Variants in SGCZ observed in about 807,000 individuals in gnomAD.
SGCZ encodes zeta-sarcoglycan.
In SGCZ, 40 loss-of-function variants were observed where a neutral mutation model predicts 41.3. The observed-to-expected ratio is 0.97, with a 90% CI of 0.75 to 1.26. The LOEUF is 1.26. SGCZ is among the 50% of genes most tolerant of loss of function. The pLI is 0.00. For synonymous variants in SGCZ, 206 were observed against 137.5 expected, an observed-to-expected ratio of 1.50 and a Z score of -3.49; for missense variants, 552 against 369.8, an observed-to-expected ratio of 1.49 and a Z score of -4.04.
chr8:14,436,968 T>A (rs1012503809), intron 2 of SGCZ, among the ~76,000 whole-genome samples: 1 of 152,114 alleles, frequency 6.6e-6, no homozygotes. Flanking sequence ...AAGATGAAAA[T>A]CCAAACTTTT....
intron 2 of SGCZ, among the ~76,000 whole-genome samples, chr8:14,328,688 G>C (rs1270175793): frequency 6.6e-6 from 1 of 152,040 alleles, no homozygotes; most frequent in Non-Finnish European, 1.5e-5. Flanking sequence ...TATCATTATA[G>C]TTATGATACT....
At chr8:15,180,304 C>G (rs964444587) in intron 1 of SGCZ, among the ~76,000 whole-genome samples, 2 of 152,100 alleles carry the variant, frequency 1.3e-5, no homozygotes, top group Non-Finnish European at 2.9e-5. Flanking sequence ...ACTGTCTTTT[C>G]CACTGGCTAT....
intron 2 of SGCZ, among the ~76,000 whole-genome samples, chr8:14,481,689 T>A (rs1801538870): frequency 6.6e-6 from 1 of 152,144 alleles, no homozygotes; most frequent in African/African-American, 2.4e-5. Context: ...AACATTTGAA[T>A]TTTATACTAG....
In SGCZ at chr8:15,122,584, G is replaced by A. The variant is rs61676776; in HGVS notation, c.39+115001C>T. ...CCAATGTCTAGACCAAGAAGACAGC[G>A]AATAAAAAGAATGGGAAATCACGTT... is the stretch of plus-strand genomic sequence containing the variant. On this transcript the variant is annotated intron_variant, in intron 1 of 7. Transcript: ENST00000382080. 2.8e-3 allele frequency among the ~76,000 whole-genome samples: 431 copies of A among 152,144 alleles called. 2 individuals are homozygous for A. The highest frequency in any genetic ancestry group is 9.2e-3 in the African/African-American group (383 of 41,542).
chr8:14,635,888 C>T (rs12544458), intron 1 of SGCZ, among the ~76,000 whole-genome samples: 2 of 151,418 alleles, frequency 1.3e-5, no homozygotes, highest in African/African-American at 4.8e-5. Context: ...TTACTTGGGG[C>T]GTTATTTAAG....
chr8:14,414,665 A>G (rs1563314101), intron 2 of SGCZ, among the ~76,000 whole-genome samples: 1 of 152,040 alleles, frequency 6.6e-6, no homozygotes, highest in Non-Finnish European at 1.5e-5. Context: ...AAATGTAATT[A>G]ATCTATCATA....
intron 4 of SGCZ, among the ~76,000 whole-genome samples, chr8:14,211,737 G>T (rs896607248): frequency 6.6e-6 from 1 of 152,042 alleles, no homozygotes; most frequent in Non-Finnish European, 1.5e-5. Flanking sequence ...ACTATCACAA[G>T]AACAGCCGGG....
intron 1 of SGCZ, among the ~76,000 whole-genome samples, chr8:14,944,143 A>G (rs998145425): frequency 9.9e-5 from 15 of 152,164 alleles, no homozygotes; most frequent in Admixed American, 5.2e-4. Flanking sequence ...TTCGAATCAT[A>G]TAGGCAGGGT....
chr8:14,473,929 C>G (rs960910849), intron 2 of SGCZ, among the ~76,000 whole-genome samples: 4 of 113,852 alleles, frequency 3.5e-5, no homozygotes, highest in African/African-American at 1.0e-4. Context: ...CAGAGCAAGA[C>G]CCTGTCTCAA....
At chr8:14,255,284 T>G (rs936910821) in intron 3 of SGCZ, among the ~76,000 whole-genome samples, 1 of 152,168 alleles carries the variant, frequency 6.6e-6, no homozygotes, top group African/African-American at 2.4e-5. Flanking sequence ...TTTGAACTCT[T>G]AGGTTGTTGA....
intron 2 of SGCZ, among the ~76,000 whole-genome samples, chr8:14,342,717 T>C (rs1490681607): frequency 6.6e-6 from 1 of 152,136 alleles, no homozygotes; most frequent in Non-Finnish European, 1.5e-5. Flanking sequence ...GGCTTGGAAA[T>C]TATGCAGGCT....
chr8:14,276,305 C>T (rs1026992069), intron 3 of SGCZ, among the ~76,000 whole-genome samples: 11 of 152,136 alleles, frequency 7.2e-5, no homozygotes, highest in Non-Finnish European at 1.0e-4. Flanking sequence ...TGAATCATCA[C>T]GTCACAGCTT....
intron 3 of SGCZ, among the ~76,000 whole-genome samples, chr8:14,287,424 T>A (rs767148684): frequency 1.7e-3 from 248 of 148,704 alleles, no homozygotes; most frequent in Admixed American, 3.0e-3. Flanking sequence ...ACATATTATA[T>A]TACCGATTTC....
intron 5 of SGCZ, among the ~76,000 whole-genome samples, chr8:14,119,753 TGA>T (rs1019826405): frequency 4.8e-4 from 73 of 152,300 alleles, no homozygotes; most frequent in African/African-American, 1.7e-3. Context: ...TCTAGTTTGT[TGA>T]GAGTTTTTAG....
intron 2 of SGCZ, among the ~76,000 whole-genome samples, chr8:14,416,008 T>A (rs990734130): frequency 2.0e-5 from 3 of 151,944 alleles, no homozygotes; most frequent in Non-Finnish European, 4.4e-5. Context: ...CCATTTAAAT[T>A]TATCACCAGA....
chr8:14,409,862 C>T (rs532175787), intron 2 of SGCZ, among the ~76,000 whole-genome samples: 1 of 152,040 alleles, frequency 6.6e-6, no homozygotes, highest in Non-Finnish European at 1.5e-5. Context: ...CAAATATGAA[C>T]AGTTATTTAT....
intron 2 of SGCZ, among the ~76,000 whole-genome samples, chr8:14,409,820 T>C (rs965424412): frequency 2.0e-5 from 3 of 152,184 alleles, no homozygotes; most frequent in Non-Finnish European, 2.9e-5. Flanking sequence ...ATTGCTTTCC[T>C]AATATAAACA....
intron 1 of SGCZ, among the ~76,000 whole-genome samples, chr8:14,901,050 T>C (rs143176170): frequency 4.8e-4 from 73 of 152,306 alleles, no homozygotes; most frequent in African/African-American, 1.5e-3. Context: ...TCATTTCTGT[T>C]TGGAAAGAAT....
chr8:14,444,287 T>C (rs1403787218), intron 2 of SGCZ, among the ~76,000 whole-genome samples: 1 of 152,178 alleles, frequency 6.6e-6, no homozygotes, highest in Non-Finnish European at 1.5e-5. Flanking sequence ...AGAAATACCA[T>C]TTATCCCAGC....
Sources: allele counts gnomAD v4.1 joint callset (sites outside exome capture counted in the v4.1 genomes callset), GRCh38; gene constraint gnomAD v4.1.1; transcripts MANE v1.5; gene names NCBI Gene and HGNC (gene_info 2026-07-23, HGNC 2026-07-21).